The following ATG4C variants were observed in gnomAD, a reference collection of about 807,000 sequenced individuals.
ATG4C encodes cysteine protease ATG4C.
In ATG4C, 56 loss-of-function variants were observed where a neutral mutation model predicts 57.6. The ratio of observed to expected loss-of-function variants is 0.97; its 90% confidence interval spans 0.78 to 1.21. The LOEUF is 1.21. ATG4C is among the 50% of genes most tolerant of loss of function. The pLI, the probability that ATG4C is intolerant of heterozygous loss-of-function variation, is 0.00. For missense variants in ATG4C, 595 were observed against 529.8 expected, an observed-to-expected ratio of 1.12 and a Z score of -1.21; for synonymous variants, 157 against 174.1, an observed-to-expected ratio of 0.90 and a Z score of 0.78.
intron 6 of ATG4C, among the ~76,000 whole-genome samples, chr1:62,823,289 C>T (rs1009084986): frequency 1.1e-4 from 17 of 152,310 alleles, no homozygotes; most frequent in African/African-American, 2.6e-4. Flanking sequence ...CTGTTTCCCT[C>T]GGTCCCACCC....
chr1:62,812,780 A>G (rs144412577), intron 3 of ATG4C, among the ~76,000 whole-genome samples: 3,081 of 152,334 alleles, frequency 0.02, 107 homozygotes, highest in African/African-American at 0.071. Flanking sequence ...AAGTCTCAGA[A>G]TACAAAATCA....
chr1:62,810,888 C>G (rs567372932), intron 3 of ATG4C, among the ~76,000 whole-genome samples: 1 of 152,192 alleles, frequency 6.6e-6, no homozygotes, highest in African/African-American at 2.4e-5. Flanking sequence ...AAATCTATTT[C>G]TAACTGGATC....
intron 10 of ATG4C, among the ~76,000 whole-genome samples, chr1:62,858,912 A>G (rs367631110): frequency 6.6e-6 from 1 of 152,302 alleles, no homozygotes; most frequent in South Asian, 2.1e-4. Flanking sequence ...AAACAGGAAT[A>G]TATTTTTCCA....
chr1:62,861,936 TTGTAA>T (rs1557999074), intron 10 of ATG4C, among the ~76,000 whole-genome samples: 1 of 152,306 alleles, frequency 6.6e-6, no homozygotes, highest in East Asian at 1.9e-4. Context: ...GTAGCCATTC[TTGTAA>T]TATAAAAAAG....
chr1:62,835,184 T>TAAAAAAAA (rs59745958), intron 9 of ATG4C, among the ~76,000 whole-genome samples: 1 of 135,550 alleles, frequency 7.4e-6, no homozygotes. Flanking sequence ...AAGGCCTGTT[T>TAAAAAAAA]AAAAAAAAAA....
intron 10 of ATG4C, among the ~76,000 whole-genome samples, chr1:62,849,219 C>G (rs779540715): frequency 6.6e-6 from 1 of 152,084 alleles, no homozygotes. Flanking sequence ...TTCTTCCACC[C>G]GGGCATGCAT....
chr1:62,803,547 CT>C (rs1372745118), intron 1 of ATG4C, among the ~76,000 whole-genome samples, 171 bp from the exon 2 acceptor site: 1 of 151,906 alleles, frequency 6.6e-6, no homozygotes, highest in East Asian at 1.9e-4. Flanking sequence ...TATAAGATTT[CT>C]GTTTGTAAAA....
intron 10 of ATG4C, among the ~76,000 whole-genome samples, chr1:62,853,835 T>G (rs1308431917): frequency 6.6e-6 from 1 of 152,232 alleles, no homozygotes; most frequent in Non-Finnish European, 1.5e-5. Context: ...TTTCTTCCAT[T>G]ATGGGAAATG....
chr1:62,852,114 A>G (rs922575739), intron 10 of ATG4C, among the ~76,000 whole-genome samples: 1 of 152,164 alleles, frequency 6.6e-6, no homozygotes, highest in African/African-American at 2.4e-5. Context: ...CAGCTGGCCT[A>G]TTCAGTTCAG....
intron 7 of ATG4C, among the ~76,000 whole-genome samples, chr1:62,830,009 C>T (rs568989370): frequency 6.6e-6 from 1 of 152,120 alleles, no homozygotes; most frequent in East Asian, 1.9e-4. Context: ...TGAGGCATCC[C>T]ATGTTATAGT....
chr1:62,790,972 G>A (rs537503646), intron 1 of ATG4C, among the ~76,000 whole-genome samples: 4 of 152,214 alleles, frequency 2.6e-5, no homozygotes, highest in Non-Finnish European at 5.9e-5. Flanking sequence ...ATGTTTTCCT[G>A]TATTTATAAC....
At chr1:62,805,406 G>T in intron 3 of ATG4C, 151 bp downstream of exon 3, 2 of 1,185,148 alleles carry the variant, frequency 1.7e-6, no homozygotes, top group South Asian at 2.8e-5. Flanking sequence ...TATGTTGTTT[G>T]GGTTTCTTGT....
At chr1:62,820,726 C>T (rs1249140192) in intron 5 of ATG4C, among the ~76,000 whole-genome samples, 2 of 151,904 alleles carry the variant, frequency 1.3e-5, no homozygotes, top group Admixed American at 6.6e-5. Context: ...GTTTAAAGAA[C>T]GAACAGTTTC....
chr1:62,834,011 T>A, intron 7 of ATG4C, 27 bp from the exon 8 acceptor site: 3 of 1,597,990 alleles, frequency 1.9e-6, no homozygotes, highest in Non-Finnish European at 2.6e-6. Flanking sequence ...GCCTCTTGAC[T>A]AAATCTGTAT....
At chr1:62,862,820 A>G (rs1666895701) in intron 10 of ATG4C, among the ~76,000 whole-genome samples, 1 of 152,062 alleles carries the variant, frequency 6.6e-6, no homozygotes, top group African/African-American at 2.4e-5. Context: ...TAAATGTAAT[A>G]TGTAAGAAAT....
intron 10 of ATG4C, among the ~76,000 whole-genome samples, chr1:62,863,681 A>G (rs1666920564): frequency 6.6e-6 from 1 of 152,084 alleles, no homozygotes; most frequent in Non-Finnish European, 1.5e-5. Context: ...GATAAATTAC[A>G]ACCTAACTCT....
Position 62,864,148 on chromosome 1 carries a change from G to A in ATG4C, c.1366G>A (p.Val456Ile). ...AAAAAGATTTAGCACGGAAGAGTTTGTCTTGCTTTAAAGATTAGCACATTT... is the reference window on the plus strand; with the variant it reads ...AAAAAGATTTAGCACGGAAGAGTTTATCTTGCTTTAAAGATTAGCACATTT... ...QLKRFSTEEF[V>I]LL The change falls in exon 11 of 11, where the codon GTC becomes ATC. Residue 456 changes from valine (V) to isoleucine (I), a missense_variant. By Grantham distance (29) the Val-to-Ile change is conservative (BLOSUM62 3). Coordinates refer to ENST00000317868, the MANE Select transcript of ATG4C (RefSeq NM_032852.4). 1 of 1,598,884 alleles carries A rather than the reference G, an allele frequency of 6.3e-7. No individual in the cohort carries two copies. Among genetic ancestry groups the A allele is most frequent in the Non-Finnish European group, 8.5e-7 (1 of 1,175,644 alleles).
chr1:62,863,461 G>A (rs1666913871), intron 10 of ATG4C, among the ~76,000 whole-genome samples: 1 of 151,868 alleles, frequency 6.6e-6, no homozygotes, highest in African/African-American at 2.4e-5. Flanking sequence ...CTTGATCTTA[G>A]CCAAAAAGCC....
chr1:62,860,663 C>A (rs898547480), intron 10 of ATG4C, among the ~76,000 whole-genome samples: 2 of 152,204 alleles, frequency 1.3e-5, no homozygotes, highest in Admixed American at 6.5e-5. Context: ...TTATGCATAT[C>A]ACCCTTTAAA....
Sources: gnomAD v4.1 joint callset for allele counts (sites outside exome capture counted in the v4.1 genomes callset) on GRCh38, gnomAD v4.1.1 for gene constraint, MANE v1.5 for transcripts, NCBI Gene and HGNC (gene_info 2026-07-23, HGNC 2026-07-21) for gene names.